TRANK1: variants seen among roughly 807,000 people sequenced by gnomAD.
TRANK1 encodes the protein TPR and ankyrin repeat-containing protein 1.
TRANK1 carries 198 observed loss-of-function variants against 266.0 expected under a neutral mutation model. The observed-to-expected ratio is 0.74, with a 90% CI of 0.66 to 0.84. TRANK1 has a LOEUF of 0.84. Ranked by LOEUF, TRANK1 falls within the 40% of genes least tolerant of loss-of-function variation. TRANK1 has a pLI of 0.00. For synonymous variants in TRANK1, 1,396 were observed against 1,384.1 expected, an observed-to-expected ratio of 1.01 and a Z score of -0.19; for missense variants, 3,326 against 3,634.6, an observed-to-expected ratio of 0.92 and a Z score of 2.18.
chr3:36,847,660 T>A (rs1353132802), intron 15 of TRANK1, among the ~76,000 whole-genome samples: 2 of 152,114 alleles, frequency 1.3e-5, no homozygotes, highest in Non-Finnish European at 2.9e-5. Context: ...CTACAATCAG[T>A]ATGGACAGGG....
At chr3:36,861,512 C>T (rs548973532) in intron 10 of TRANK1, among the ~76,000 whole-genome samples, 5 of 152,164 alleles carry the variant, frequency 3.3e-5, no homozygotes, top group Non-Finnish European at 7.4e-5. Context: ...CTAATAAATA[C>T]TGAAATACAG....
chr3:36,911,131 A>G (rs1415444298), intron 1 of TRANK1, among the ~76,000 whole-genome samples: 4 of 152,216 alleles, frequency 2.6e-5, no homozygotes, highest in Non-Finnish European at 4.4e-5. Flanking sequence ...TAAATGAAAA[A>G]TACAGGCCTA....
intron 1 of TRANK1, among the ~76,000 whole-genome samples, chr3:36,936,141 A>G (rs1367881953): frequency 1.3e-5 from 2 of 152,238 alleles, no homozygotes; most frequent in Non-Finnish European, 2.9e-5. Context: ...CTGGAGGATC[A>G]GTAATTCCTA....
intron 1 of TRANK1, among the ~76,000 whole-genome samples, chr3:36,921,967 C>T (rs1436381534): frequency 4.6e-5 from 7 of 152,046 alleles, no homozygotes; most frequent in African/African-American, 1.7e-4. Context: ...CACAGTGAGA[C>T]CCCCATCTCT....
At position 36,827,482 on chromosome 3, in the gene TRANK1, C is replaced by T. The variant is rs146111608; in HGVS notation, c.*793G>A. 3 of 152,366 alleles carry T rather than the reference C, an allele frequency of 2.0e-5. No homozygotes were observed. The highest frequency in any genetic ancestry group is 7.2e-5 in the African/African-American group (3 of 41,562). 9.4% of individuals were successfully genotyped at this position (152,366 alleles called of 1,614,324 possible). On this transcript the variant is annotated 3_prime_UTR_variant, in exon 24 of 24. Coordinates refer to ENST00000645898, the MANE Select transcript of TRANK1 (RefSeq NM_001329998.2). ...CAAAACACTTTTTGGAATGTCTGCA[C>T]CATAGCCAAGGCAGAGTTAGGACCA...
At chr3:36,940,174 C>T (rs572340887) in intron 1 of TRANK1, among the ~76,000 whole-genome samples, 15 of 151,812 alleles carry the variant, frequency 9.9e-5, no homozygotes, top group African/African-American at 3.4e-4. Context: ...CATGACCCAC[C>T]GCGCCTGGCC....
At chr3:36,861,480 A>T (rs1267991238) in intron 10 of TRANK1, among the ~76,000 whole-genome samples, 1 of 152,188 alleles carries the variant, frequency 6.6e-6, no homozygotes, top group Non-Finnish European at 1.5e-5. Flanking sequence ...TAAATTTTGC[A>T]TGATATTAAG....
rs778834213 is a variant in TRANK1 at position 36,851,801 on chromosome 3, A to C, written c.4805T>G (p.Leu1602Ter). 13 of 1,611,226 alleles carry C rather than the reference A, an allele frequency of 8.1e-6. No individual in the cohort carries two copies. The highest frequency in any genetic ancestry group is 1.1e-5 in the Non-Finnish European group (13 of 1,178,576). Reference sequence around the variant, plus strand: ...TTCATAAATTGTTAGCACAAGTGCTAACCCCAGCTCTTCTGGAATTTTCTC... The same window carrying C: ...TTCATAAATTGTTAGCACAAGTGCTCACCCCAGCTCTTCTGGAATTTTCTC... ...AKEKIPEELG[L>*]ALVLTIYEAK... The change falls in exon 15 of 24, where the codon TTA becomes TGA. Residue 1602 changes from leucine to a stop codon, truncating the protein, a stop_gained. Coordinates refer to ENST00000645898, the MANE Select transcript of TRANK1 (RefSeq NM_001329998.2). LOFTEE classifies it high-confidence loss of function.
chr3:36,850,736 T>C (rs2078974590), intron 15 of TRANK1: 1 of 984,764 alleles, frequency 1.0e-6, no homozygotes, highest in Non-Finnish European at 1.2e-6. Context: ...ATCAATATTG[T>C]AATAGTTGTG....
intron 14 of TRANK1, 29 bp from the exon 15 acceptor site, chr3:36,851,885 C>A: frequency 6.4e-7 from 1 of 1,565,166 alleles, no homozygotes; most frequent in Non-Finnish European, 8.6e-7. Context: ...ACATCAAATT[C>A]TACAGAGAAA....
intron 1 of TRANK1, among the ~76,000 whole-genome samples, chr3:36,910,673 G>A (rs963516764): frequency 6.6e-6 from 1 of 152,116 alleles, no homozygotes; most frequent in Non-Finnish European, 1.5e-5. Flanking sequence ...CCAGGAGGGA[G>A]AGGTTGCAGT....
intron 5 of TRANK1, among the ~76,000 whole-genome samples, chr3:36,894,290 C>T (rs1341440434): frequency 6.6e-6 from 1 of 152,204 alleles, no homozygotes; most frequent in African/African-American, 2.4e-5. Flanking sequence ...AAGGTTCTTT[C>T]CCTGAGTGCA....
At chr3:36,928,212 C>T (rs898328944) in intron 1 of TRANK1, among the ~76,000 whole-genome samples, 1 of 152,134 alleles carries the variant, frequency 6.6e-6, no homozygotes. Flanking sequence ...AATAAAACCG[C>T]CGTTGACCTT....
intron 9 of TRANK1, among the ~76,000 whole-genome samples, chr3:36,872,469 CT>C (rs201416301): frequency 2.6e-5 from 4 of 151,588 alleles, no homozygotes; most frequent in South Asian, 4.2e-4. Flanking sequence ...AAAGGAGAAA[CT>C]TTTTTTAAAA....
rs373067250 is a variant in TRANK1, at chr3:36,834,803, G to A, written c.5622C>T (p.Cys1874=). 4.2e-4 allele frequency: 680 copies of A among 1,613,346 alleles called. 2 individuals carry two copies. The highest frequency in any genetic ancestry group is 4.6e-4 in the Non-Finnish European group (543 of 1,179,750). The change falls in exon 21 of 24, where the codon TGC becomes TGT. Residue 1874 remains cysteine, a synonymous_variant. Transcript: ENST00000645898. ...CAGCTTCTTCAAAAAGCTCCTCTTG[G>A]CAGTACATTTTGAGTGCTAGATCAA... ...QEFDLALKMY[C]QEELFEEAAI... is the part of the protein sequence containing the mutation.
At chr3:36,873,296 T>G (rs1054033512) in intron 9 of TRANK1, among the ~76,000 whole-genome samples, 11 of 152,204 alleles carry the variant, frequency 7.2e-5, no homozygotes, top group African/African-American at 2.7e-4. Context: ...AAAACTTACT[T>G]GACCAAGTAC....
intron 13 of TRANK1, 51 bp downstream of exon 13, chr3:36,855,122 A>G: frequency 1.3e-6 from 2 of 1,520,288 alleles, no homozygotes; most frequent in Admixed American, 1.9e-5. Flanking sequence ...AAGGCAGCCC[A>G]AAGTCTGTGC....
In TRANK1 at chr3:36,874,302, G is replaced by T. The variant is rs1417730774; in HGVS notation, c.908-6C>A. The T allele has an allele frequency of 6.5e-7, 1 of 1,535,518 alleles. No homozygotes were observed. Among genetic ancestry groups the T allele is most frequent in the Non-Finnish European group, 8.7e-7 (1 of 1,146,324 alleles). On this transcript the variant is annotated splice_polypyrimidine_tract_variant and splice_region_variant and intron_variant, in intron 8 of 23. Coordinates refer to ENST00000645898, the MANE Select transcript of TRANK1 (RefSeq NM_001329998.2). Reference sequence around the variant, plus strand: ...CTGCACATCCTCTGTTTGTCCTAGGGCAGGCCAAAATGAGAAGGGGTGTTT... The same window carrying T: ...CTGCACATCCTCTGTTTGTCCTAGGTCAGGCCAAAATGAGAAGGGGTGTTT...
Position 36,944,867 on chromosome 3 carries a change from T to G in TRANK1, c.-58A>C. On this transcript the variant is annotated 5_prime_UTR_variant, in exon 1 of 24. Transcript: ENST00000645898. Reference sequence around the variant, plus strand: ...CGCCGCCTGGGGAAGCGCTTCCCTGTGGGCAGGGCGCGGCGGGCAGTGCGG... The same window carrying G: ...CGCCGCCTGGGGAAGCGCTTCCCTGGGGGCAGGGCGCGGCGGGCAGTGCGG... The G allele has an allele frequency of 7.1e-7, 1 of 1,401,564 alleles. No homozygotes were observed. The highest frequency in any genetic ancestry group is 3.1e-5 in the East Asian group (1 of 32,526). The allele number at this position is 1,401,564 out of a possible 1,614,324, so 86.8% of individuals were successfully genotyped here.
Sources: allele counts gnomAD v4.1 joint callset (sites outside exome capture counted in the v4.1 genomes callset), GRCh38; gene constraint gnomAD v4.1.1; transcripts MANE v1.5; gene names NCBI Gene and HGNC (gene_info 2026-07-23, HGNC 2026-07-21).